The following NCKAP1 variants were observed in gnomAD, a reference collection of about 807,000 sequenced individuals.
The protein encoded by NCKAP1 is NCK associated protein 1.
NCKAP1 carries 21 observed loss-of-function variants against 151.2 expected under a neutral mutation model. The ratio of observed to expected loss-of-function variants is 0.14; its 90% CI spans 0.10 to 0.20. The LOEUF (loss-of-function observed/expected upper bound fraction) is 0.20. NCKAP1 is among the 10% of genes least tolerant of loss of function. NCKAP1 has a pLI of 1.00. For synonymous variants in NCKAP1, 484 were observed against 451.8 expected (o/e 1.07, Z -0.90); for missense variants, 933 against 1,352.1 (o/e 0.69, Z 4.86).
intron 1 of NCKAP1, among the ~76,000 whole-genome samples, chr2:183,026,607 C>G (rs1275003377): frequency 6.6e-6 from 1 of 151,852 alleles, no homozygotes; most frequent in Admixed American, 6.6e-5. Context: ...AATTGGGAGG[C>G]AGTATGTCTC....
At chr2:182,961,124 A>G (rs1359185823) in intron 18 of NCKAP1, among the ~76,000 whole-genome samples, 1 of 152,186 alleles carries the variant, frequency 6.6e-6, no homozygotes, top group Non-Finnish European at 1.5e-5. Flanking sequence ...ACACTTTTAC[A>G]CTGTTGGTGG....
At chr2:182,970,578 A>C (rs1361970870) in intron 15 of NCKAP1, among the ~76,000 whole-genome samples, 1 of 152,198 alleles carries the variant, frequency 6.6e-6, no homozygotes, top group Non-Finnish European at 1.5e-5. Context: ...AAAACTAGGT[A>C]TGGAAAAAAA....
chr2:182,971,943 C>A (rs1252518517), intron 15 of NCKAP1, among the ~76,000 whole-genome samples: 3 of 152,030 alleles, frequency 2.0e-5, no homozygotes, highest in Non-Finnish European at 2.9e-5. Flanking sequence ...AAATGTAAGA[C>A]CTGAAACTAT....
intron 2 of NCKAP1, among the ~76,000 whole-genome samples, chr2:183,022,263 T>C (rs2105893233): frequency 6.6e-6 from 1 of 152,302 alleles, no homozygotes; most frequent in Non-Finnish European, 1.5e-5. Context: ...AGAAATTTTA[T>C]GAGCTGTAAG....
Position 182,978,827 on chromosome 2 carries a change from T to A in NCKAP1, c.1423+7A>T. 1 of 1,523,850 alleles carries A rather than the reference T, an allele frequency of 6.6e-7. No homozygotes were observed. The highest frequency in any genetic ancestry group is 9.0e-7 in the Non-Finnish European group (1 of 1,109,508). The allele number at this position is 1,523,850 out of a possible 1,614,324, so 94.4% of individuals were successfully genotyped here. A position where few individuals can be genotyped will look rare whatever the true frequency, so the allele number is the denominator to read the frequency against. On this transcript the variant is annotated splice_region_variant and intron_variant, in intron 14 of 30. Transcript: ENST00000361354. Reference sequence around the variant, plus strand: ...GAAAATATGCTTTTATTTAAAAGGCTTATTACCTTGTTTTACACTTAGGGA... The same window carrying A: ...GAAAATATGCTTTTATTTAAAAGGCATATTACCTTGTTTTACACTTAGGGA...
At chr2:183,018,891 G>T (rs558068261) in intron 2 of NCKAP1, among the ~76,000 whole-genome samples, 6 of 152,248 alleles carry the variant, frequency 3.9e-5, no homozygotes, top group African/African-American at 1.4e-4. Flanking sequence ...TAACTTTACT[G>T]CTGATTATTA....
intron 2 of NCKAP1, among the ~76,000 whole-genome samples, chr2:183,009,481 A>AGCAAGCAAGCAAGCAG (rs1553517577): frequency 1.3e-4 from 19 of 148,512 alleles, no homozygotes; most frequent in African/African-American, 5.0e-4. Context: ...GAAGGAAGCA[A>AGCAAGCAAGCAAGCAG]GCAAGCAAGC....
chr2:183,003,365 A>C (rs1337188224), intron 2 of NCKAP1, 40 bp from the exon 3 acceptor site: 2 of 1,176,592 alleles, frequency 1.7e-6, no homozygotes, highest in Non-Finnish European at 2.5e-6. Flanking sequence ...CATAGAGAAC[A>C]AAAGTATTTA....
At chr2:182,966,969 A>G (rs1697584466) in intron 16 of NCKAP1, among the ~76,000 whole-genome samples, 1 of 152,202 alleles carries the variant, frequency 6.6e-6, no homozygotes, top group South Asian at 2.1e-4. Flanking sequence ...CAACTCCTCA[A>G]AAAAATGTAA....
At chr2:182,930,039 C>T (rs1389696853) in intron 27 of NCKAP1, among the ~76,000 whole-genome samples, 1 of 152,004 alleles carries the variant, frequency 6.6e-6, no homozygotes, top group East Asian at 1.9e-4. Flanking sequence ...GACCATCTCC[C>T]ATTAGCATAC....
chr2:183,033,858 A>T (rs980570029), intron 1 of NCKAP1, among the ~76,000 whole-genome samples: 13 of 152,208 alleles, frequency 8.5e-5, no homozygotes, highest in African/African-American at 3.1e-4. Flanking sequence ...GCAGACAGTG[A>T]ATTTTTGAAG....
At chr2:183,011,534 G>A (rs1476816661) in intron 2 of NCKAP1, among the ~76,000 whole-genome samples, 1 of 152,142 alleles carries the variant, frequency 6.6e-6, no homozygotes, top group Non-Finnish European at 1.5e-5. Context: ...AAGAGAATCA[G>A]ACAATATGCA....
At chr2:182,973,881 C>T (rs1186586075) in intron 15 of NCKAP1, among the ~76,000 whole-genome samples, 3 of 152,016 alleles carry the variant, frequency 2.0e-5, no homozygotes, top group African/African-American at 7.2e-5. Flanking sequence ...ATGCTTTATC[C>T]CTTCTAAGAC....
At chr2:183,001,426 G>C (rs1698371578) in intron 6 of NCKAP1, among the ~76,000 whole-genome samples, 1 of 152,200 alleles carries the variant, frequency 6.6e-6, no homozygotes, top group Admixed American at 6.5e-5. Flanking sequence ...TTAAAAGATA[G>C]TCATTTCAAA....
At chr2:182,967,993 G>C (rs1309975078) in intron 15 of NCKAP1, among the ~76,000 whole-genome samples, 1 of 152,210 alleles carries the variant, frequency 6.6e-6, no homozygotes, top group African/African-American at 2.4e-5. Context: ...CAGAAGGGCA[G>C]AGAATAAGAA....
chr2:182,961,494 C>A (rs1490723283), intron 18 of NCKAP1, among the ~76,000 whole-genome samples: 1 of 152,154 alleles, frequency 6.6e-6, no homozygotes, highest in Non-Finnish European at 1.5e-5. Context: ...AAACCAACCA[C>A]CACATGTTCT....
At chr2:182,957,133 C>T (rs1559081479) in intron 19 of NCKAP1, 1 of 196,520 alleles carries the variant, frequency 5.1e-6, no homozygotes, top group African/African-American at 2.3e-5. Context: ...AAAGTCTCCA[C>T]TATCTAACTT....
chr2:183,025,365 C>T (rs1003054696), intron 1 of NCKAP1, among the ~76,000 whole-genome samples: 6 of 151,798 alleles, frequency 4.0e-5, no homozygotes, highest in Non-Finnish European at 5.9e-5. Flanking sequence ...AAACGGTAGC[C>T]GAGAATAAAA....
Position 182,925,829 on chromosome 2 carries a change from C to A in NCKAP1, c.3271-11G>T, listed in dbSNP as rs757770600. On this transcript the variant is annotated splice_polypyrimidine_tract_variant and intron_variant, in intron 30 of 30. Transcript: ENST00000361354. ...AGATTCTTGTACAATCTGTAAAATT[C>A]AAAAAATCCATCAAAACAAGTTATT... 5.6e-6 allele frequency: 8 copies of A among 1,417,698 alleles called. No individual in the cohort carries two copies. The highest frequency in any genetic ancestry group is 2.8e-5 in the South Asian group (2 of 72,522). 87.8% of individuals were successfully genotyped at this position (1,417,698 alleles called of 1,614,324 possible).
Sources: allele counts gnomAD v4.1 joint callset (sites outside exome capture counted in the v4.1 genomes callset), GRCh38; gene constraint gnomAD v4.1.1; transcripts MANE v1.5; gene names NCBI Gene and HGNC (gene_info 2026-07-23, HGNC 2026-07-21).